ENTREP2: variants seen among roughly 807,000 people sequenced by gnomAD.
The protein encoded by ENTREP2 is endosomal transmembrane epsin interactor 2.
the ENTREP2 span, among the ~76,000 whole-genome samples, chr15:29,320,052 G>C: frequency 2.0e-5 from 3 of 152,184 alleles, no homozygotes; most frequent in Non-Finnish European, 4.4e-5. Context: ...TATTCCATCT[G>C]GGGGAAGGCG....
the ENTREP2 span, among the ~76,000 whole-genome samples, chr15:29,125,078 C>T: frequency 6.6e-6 from 1 of 152,154 alleles, no homozygotes; most frequent in Non-Finnish European, 1.5e-5. Context: ...CATGTGCCTG[C>T]GGCGTGCACA....
chr15:29,354,923 C>G, the ENTREP2 span, among the ~76,000 whole-genome samples: 3 of 152,172 alleles, frequency 2.0e-5, no homozygotes, highest in Non-Finnish European at 4.4e-5. Flanking sequence ...CACCATACAC[C>G]TTTACTGCTG....
At chr15:29,194,872 C>A in the ENTREP2 span, among the ~76,000 whole-genome samples, 1 of 152,220 alleles carries the variant, frequency 6.6e-6, no homozygotes, top group Non-Finnish European at 1.5e-5. Context: ...AACCAGCCAA[C>A]TGAGGAACGG....
the ENTREP2 span, among the ~76,000 whole-genome samples, chr15:29,668,183 GGGAGCAGTTGATCTGCA>G: frequency 6.6e-6 from 1 of 152,180 alleles, no homozygotes; most frequent in Non-Finnish European, 1.5e-5. Flanking sequence ...CAACAGAAGA[GGGAGCAGTTGATCTGCA>G]CAACCAACAG....
chr15:29,184,759 T>C, the ENTREP2 span, among the ~76,000 whole-genome samples: 1 of 152,184 alleles, frequency 6.6e-6, no homozygotes, highest in African/African-American at 2.4e-5. Flanking sequence ...CCATGGATGC[T>C]CTGCTCCTTT....
the ENTREP2 span, among the ~76,000 whole-genome samples, chr15:29,558,974 C>T: frequency 6.6e-6 from 1 of 151,858 alleles, no homozygotes; most frequent in African/African-American, 2.4e-5. Context: ...CAATATGAGG[C>T]TATTAGTAGT....
the ENTREP2 span, among the ~76,000 whole-genome samples, chr15:29,326,042 A>G: frequency 6.6e-6 from 1 of 152,160 alleles, no homozygotes; most frequent in African/African-American, 2.4e-5. Context: ...ACACTCATTT[A>G]TGAAAGAAAA....
At chr15:29,325,593 C>T in the ENTREP2 span, among the ~76,000 whole-genome samples, 4 of 152,086 alleles carry the variant, frequency 2.6e-5, no homozygotes, top group African/African-American at 9.7e-5. Context: ...ACTAAAGAAA[C>T]TGAATCAATA....
chr15:29,373,609 T>C, the ENTREP2 span: 1 of 151,674 alleles, frequency 6.6e-6, no homozygotes, highest in Non-Finnish European at 1.5e-5. Flanking sequence ...CTCTTTATTA[T>C]TTTTTTATTT....
the ENTREP2 span, chr15:29,268,234 A>C: frequency 6.6e-5 from 10 of 152,314 alleles, no homozygotes; most frequent in African/African-American, 2.4e-4. Flanking sequence ...GTTTAGCAGC[A>C]GAGCTGAATA....
the ENTREP2 span, among the ~76,000 whole-genome samples, chr15:29,397,563 C>T: frequency 4.6e-5 from 7 of 152,178 alleles, no homozygotes; most frequent in Non-Finnish European, 1.0e-4. Context: ...AGGTGCGATG[C>T]TGTCAACTGG....
At chr15:29,671,559 T>C in the ENTREP2 span, among the ~76,000 whole-genome samples, 2 of 152,224 alleles carry the variant, frequency 1.3e-5, no homozygotes, top group South Asian at 4.1e-4. Context: ...CGGGAAAAAA[T>C]CCCACATTTG....
the ENTREP2 span, among the ~76,000 whole-genome samples, chr15:29,444,219 A>G: frequency 6.7e-6 from 1 of 149,836 alleles, no homozygotes. Context: ...AGAAAGAAAG[A>G]AAGAAAGAAA....
At chr15:29,493,870 G>C in the ENTREP2 span, among the ~76,000 whole-genome samples, 1 of 151,902 alleles carries the variant, frequency 6.6e-6, no homozygotes, top group African/African-American at 2.4e-5. Context: ...CCAGGTACTC[G>C]GGAGGCTGAG....
At chr15:29,444,821 A>G in the ENTREP2 span, among the ~76,000 whole-genome samples, 3 of 152,158 alleles carry the variant, frequency 2.0e-5, no homozygotes, top group African/African-American at 7.2e-5. Context: ...CCCTGAGATG[A>G]AGATGGCTAG....
At chr15:29,465,988 G>T in the ENTREP2 span, among the ~76,000 whole-genome samples, 1 of 152,176 alleles carries the variant, frequency 6.6e-6, no homozygotes, top group African/African-American at 2.4e-5. Context: ...CTGATGAACT[G>T]CCAGGTTCAT....
At chr15:29,450,024 G>C in the ENTREP2 span, among the ~76,000 whole-genome samples, 1 of 152,042 alleles carries the variant, frequency 6.6e-6, no homozygotes, top group South Asian at 2.1e-4. Flanking sequence ...TTTTTTCATA[G>C]GCTTGTTGAC....
the ENTREP2 span, among the ~76,000 whole-genome samples, chr15:29,254,074 A>C: frequency 6.6e-6 from 1 of 151,562 alleles, no homozygotes. Context: ...AATCTAATGA[A>C]GAAAGACCCT....
At chr15:29,195,745 G>T in the ENTREP2 span, among the ~76,000 whole-genome samples, 7 of 151,956 alleles carry the variant, frequency 4.6e-5, no homozygotes. Context: ...GACTGGTCTC[G>T]AACTCCTGAC....
Sources: gnomAD v4.1 joint callset for allele counts (sites outside exome capture counted in the v4.1 genomes callset) on GRCh38, gnomAD v4.1.1 for gene constraint, MANE v1.5 for transcripts, NCBI Gene and HGNC (gene_info 2026-07-23, HGNC 2026-07-21) for gene names.